KCTD16: variants seen among roughly 807,000 people sequenced by gnomAD.
KCTD16 encodes the protein potassium channel tetramerization domain containing 16.
KCTD16 carries 13 observed loss-of-function variants against 33.2 expected under a neutral mutation model. That is an observed-to-expected ratio of 0.39 (90% confidence interval 0.25 to 0.62). The LOEUF (loss-of-function observed/expected upper bound fraction) is 0.62, where lower values mean the gene tolerates loss of function less well. Among genes scored for constraint, KCTD16 ranks in the 20% least tolerant of loss-of-function variants. The pLI is 0.50. For missense variants in KCTD16, 441 were observed against 525.1 expected, an observed-to-expected ratio of 0.84 and a Z score of 1.57; for synonymous variants, 197 against 195.3, an observed-to-expected ratio of 1.01 and a Z score of -0.07.
intron 3 of KCTD16, among the ~76,000 whole-genome samples, chr5:144,444,027 T>A (rs1419186875): frequency 6.6e-6 from 1 of 152,108 alleles, no homozygotes; most frequent in Non-Finnish European, 1.5e-5. Flanking sequence ...GTATGTTTCC[T>A]TGACCAGATC....
chr5:144,454,236 T>A (rs1305903895), intron 3 of KCTD16, among the ~76,000 whole-genome samples: 1 of 152,230 alleles, frequency 6.6e-6, no homozygotes, highest in Non-Finnish European at 1.5e-5. Context: ...CTTTAGCTGT[T>A]TTATTTCAGT....
intron 3 of KCTD16, among the ~76,000 whole-genome samples, chr5:144,224,814 C>T (rs1024554726): frequency 6.6e-6 from 1 of 152,110 alleles, no homozygotes; most frequent in Non-Finnish European, 1.5e-5. Context: ...AATGCTATGT[C>T]CTGTGTCAAG....
At chr5:144,453,077 C>T (rs1042343140) in intron 3 of KCTD16, among the ~76,000 whole-genome samples, 1 of 152,144 alleles carries the variant, frequency 6.6e-6, no homozygotes, top group African/African-American at 2.4e-5. Flanking sequence ...GAGGACAGAG[C>T]TGTTGGCAAC....
At chr5:144,233,220 C>T (rs1433597923) in intron 3 of KCTD16, among the ~76,000 whole-genome samples, 4 of 152,108 alleles carry the variant, frequency 2.6e-5, no homozygotes, top group Non-Finnish European at 4.4e-5. Flanking sequence ...AAAAAAGGGT[C>T]TTCCATCATA....
intron 3 of KCTD16, among the ~76,000 whole-genome samples, chr5:144,355,492 GTGGGAACA>G (rs1751550524): frequency 6.6e-6 from 1 of 152,116 alleles, no homozygotes; most frequent in Admixed American, 6.6e-5. Flanking sequence ...GAGACAGGTA[GTGGGAACA>G]TGGTGGGCTA....
chr5:144,430,409 G>T (rs1362395101), intron 3 of KCTD16, among the ~76,000 whole-genome samples: 1 of 152,116 alleles, frequency 6.6e-6, no homozygotes, highest in East Asian at 1.9e-4. Flanking sequence ...TTGTGAGTTT[G>T]CCTGTGGCAG....
intron 3 of KCTD16, among the ~76,000 whole-genome samples, chr5:144,418,675 C>G (rs1273033279): frequency 6.6e-6 from 1 of 152,150 alleles, no homozygotes; most frequent in East Asian, 1.9e-4. Context: ...TTTTCCAATC[C>G]TGGCAGAAAC....
At chr5:144,318,508 CT>C (rs1751985884) in intron 3 of KCTD16, among the ~76,000 whole-genome samples, 1 of 152,150 alleles carries the variant, frequency 6.6e-6, no homozygotes, top group African/African-American at 2.4e-5. Context: ...ACAGCAGATA[CT>C]TTTTGTTAGG....
intron 3 of KCTD16, among the ~76,000 whole-genome samples, chr5:144,411,519 A>G (rs914099157): frequency 2.0e-5 from 3 of 152,186 alleles, no homozygotes; most frequent in African/African-American, 7.2e-5. Flanking sequence ...CTCTCACCAG[A>G]TTAAAAAAAT....
At chr5:144,325,923 G>T (rs1189594236) in intron 3 of KCTD16, among the ~76,000 whole-genome samples, 1 of 152,144 alleles carries the variant, frequency 6.6e-6, no homozygotes, top group Non-Finnish European at 1.5e-5. Context: ...AAGATTCCAT[G>T]TAGGGGCTCT....
chr5:144,369,222 G>A (rs1751908529), intron 3 of KCTD16: 1 of 152,192 alleles, frequency 6.6e-6, no homozygotes, highest in South Asian at 2.1e-4. Context: ...CCTGAGCTCT[G>A]TGTCACAGTC....
chr5:144,190,690 A>G (rs1752824002), intron 2 of KCTD16, among the ~76,000 whole-genome samples: 1 of 151,806 alleles, frequency 6.6e-6, no homozygotes, highest in Non-Finnish European at 1.5e-5. Flanking sequence ...TGCTATTAAT[A>G]CCCCTCCCCA....
intron 3 of KCTD16, among the ~76,000 whole-genome samples, chr5:144,393,447 G>A (rs1752494985): frequency 6.6e-6 from 1 of 152,090 alleles, no homozygotes; most frequent in Admixed American, 6.6e-5. Context: ...CGCTGGTCAG[G>A]TGACTTTCTA....
intron 2 of KCTD16, among the ~76,000 whole-genome samples, chr5:144,187,450 A>G (rs557322204): frequency 3.9e-5 from 6 of 151,976 alleles, no homozygotes; most frequent in Non-Finnish European, 7.4e-5. Context: ...ACACACATAT[A>G]CACACACACA....
chr5:144,456,607 C>G (rs1020022853), intron 3 of KCTD16, among the ~76,000 whole-genome samples: 3 of 152,132 alleles, frequency 2.0e-5, no homozygotes, highest in Non-Finnish European at 4.4e-5. Context: ...TTGCTATGGT[C>G]TCAGGTTTAT....
chr5:144,174,788 A>C (rs1752466259), intron 2 of KCTD16, among the ~76,000 whole-genome samples: 1 of 152,240 alleles, frequency 6.6e-6, no homozygotes, highest in African/African-American at 2.4e-5. Context: ...TCAGTATTGC[A>C]AGTGCTGCAT....
intron 3 of KCTD16, among the ~76,000 whole-genome samples, chr5:144,461,105 A>G (rs1195619576): frequency 6.6e-6 from 1 of 152,196 alleles, no homozygotes; most frequent in African/African-American, 2.4e-5. Context: ...CTTACAAAAA[A>G]TGTAAGATAT....
At chr5:144,216,760 C>T (rs544440469) in intron 3 of KCTD16, among the ~76,000 whole-genome samples, 4 of 151,310 alleles carry the variant, frequency 2.6e-5, no homozygotes, top group African/African-American at 9.7e-5. Context: ...AGGAGAATTG[C>T]TTGAACCCGG....
intron 3 of KCTD16, among the ~76,000 whole-genome samples, chr5:144,317,184 A>G (rs1370195897): frequency 6.6e-6 from 1 of 152,070 alleles, no homozygotes; most frequent in Admixed American, 6.6e-5. Flanking sequence ...TTGTTTTGGC[A>G]ACCAAGTCTT....
Sources: gnomAD v4.1 joint callset for allele counts (sites outside exome capture counted in the v4.1 genomes callset) on GRCh38, gnomAD v4.1.1 for gene constraint, MANE v1.5 for transcripts, NCBI Gene and HGNC (gene_info 2026-07-23, HGNC 2026-07-21) for gene names.